The following MOGAT1 variants were observed in gnomAD, a reference collection of about 807,000 sequenced individuals.
The protein encoded by MOGAT1 is 2-acylglycerol O-acyltransferase 1.
In MOGAT1, 32 loss-of-function variants were observed where a neutral mutation model predicts 31.4. The ratio of observed to expected loss-of-function variants is 1.02; its 90% CI spans 0.77 to 1.37. The LOEUF is 1.37. MOGAT1 is among the 40% of genes most tolerant of loss of function. The pLI, the probability that MOGAT1 is intolerant of heterozygous loss-of-function variation, is 0.00. For missense variants in MOGAT1, 426 were observed against 402.0 expected, an observed-to-expected ratio of 1.06 and a Z score of -0.51; for synonymous variants, 145 against 144.5, an observed-to-expected ratio of 1.00 and a Z score of -0.03.
chr2:222,688,366 T>G lies in MOGAT1; in HGVS notation c.117T>G (p.Thr39=). Residue 39 remains threonine (T), a synonymous_variant, in exon 2 of 6, where the codon ACT becomes ACG. Coordinates refer to ENST00000446656, the MANE Select transcript of MOGAT1 (RefSeq NM_058165.3). ...CAGGGCCGATGTCCATTGGAATCAC[T>G]GTGATGCTGATCATACACAACTATT... ...LLLGPMSIGI[T]VMLIIHNYLF... 1 of 1,611,588 alleles carries G rather than the reference T, an allele frequency of 6.2e-7. No homozygotes were observed. The highest frequency in any genetic ancestry group is 1.7e-4 in the Middle Eastern group (1 of 6,054).
chr2:222,700,309 A>G (rs946758168), intron 5 of MOGAT1, among the ~76,000 whole-genome samples: 3 of 152,234 alleles, frequency 2.0e-5, no homozygotes, highest in African/African-American at 7.2e-5. Flanking sequence ...CTGACAAATA[A>G]TCATCAGTCA....
rs575399876 is a variant in MOGAT1, at chr2:222,671,845, C to G, written c.60C>G (p.Ala20=). 16 of 1,552,818 alleles carry G rather than the reference C, an allele frequency of 1.0e-5. No individual in the cohort carries two copies. Among genetic ancestry groups the G allele is most frequent in the African/African-American group, 2.7e-5 (2 of 73,244 alleles). Residue 20 remains alanine, a synonymous_variant, in exon 1 of 6, where the codon GCC becomes GCG. Coordinates refer to ENST00000446656, the MANE Select transcript of MOGAT1 (RefSeq NM_058165.3). ...IQLARRLQTV[A]VLQWVLKYLL... ...TGGCGCGGCGGCTGCAGACGGTGGC[C>G]GTGCTGCAGTGGGTCCTGAAATACC... is the stretch of plus-strand genomic sequence containing the variant.
At chr2:222,673,410 G>A (rs1692451542) in intron 1 of MOGAT1, among the ~76,000 whole-genome samples, 1 of 151,246 alleles carries the variant, frequency 6.6e-6, no homozygotes, top group South Asian at 2.1e-4. Flanking sequence ...GGTTGCTCTG[G>A]ATCAAAGCAC....
intron 1 of MOGAT1, among the ~76,000 whole-genome samples, chr2:222,675,470 A>ACTTTCT (rs1692481124): frequency 7.1e-6 from 1 of 140,988 alleles, no homozygotes; most frequent in Non-Finnish European, 1.5e-5. Context: ...CAAAATGGTA[A>ACTTTCT]TTTTCTTTTT....
chr2:222,698,003 A>G (rs1031214570), intron 5 of MOGAT1, among the ~76,000 whole-genome samples: 2 of 152,148 alleles, frequency 1.3e-5, no homozygotes, highest in African/African-American at 4.8e-5. Flanking sequence ...AGAAGGACCG[A>G]ATTATCAGAC....
rs192181305 is a variant in MOGAT1, at chr2:222,709,721, T to A, written c.854-15T>A. ...GTTTTAGTTCCTCACGTATGATGTA[T>A]TCCCTGATTTGCAGTTGGCCGCCCG... On this transcript the variant is annotated splice_polypyrimidine_tract_variant and intron_variant, in intron 5 of 5. Coordinates refer to ENST00000446656, the MANE Select transcript of MOGAT1 (RefSeq NM_058165.3). 2.1e-4 allele frequency: 336 copies of A among 1,611,626 alleles called. No homozygotes were observed. In the African/African-American group the frequency reaches 4.1e-3, roughly 20 times the overall value.
chr2:222,708,923 G>GT (rs1319831208), intron 5 of MOGAT1, among the ~76,000 whole-genome samples: 2 of 152,110 alleles, frequency 1.3e-5, no homozygotes, highest in Admixed American at 1.3e-4. Flanking sequence ...CTATTGAGAC[G>GT]TTAGCTGTTT....
chr2:222,701,546 GAAA>G (rs11435365), intron 5 of MOGAT1, among the ~76,000 whole-genome samples: 1 of 122,066 alleles, frequency 8.2e-6, no homozygotes, highest in South Asian at 2.8e-4. Flanking sequence ...AAAGAAAAAA[GAAA>G]AAAGAAAGAA....
intron 5 of MOGAT1, among the ~76,000 whole-genome samples, chr2:222,701,752 C>G (rs545970732): frequency 1.3e-5 from 2 of 152,152 alleles, no homozygotes; most frequent in East Asian, 3.9e-4. Flanking sequence ...TGGCTTGTGG[C>G]TGATGCTCCA....
Position 222,671,680 on chromosome 2 carries a change from A to G in MOGAT1, c.-106A>G, listed in dbSNP as rs1299628372. The G allele has an allele frequency of 1.1e-6, 1 of 936,166 alleles. No individual in the cohort carries two copies. Among genetic ancestry groups the G allele is most frequent in the African/African-American group, 1.7e-5 (1 of 60,328 alleles). The allele number at this position is 936,166 out of a possible 1,614,324, so 58.0% of individuals were successfully genotyped here. Reference sequence around the variant, plus strand: ...TCTGCCTTTTCCTCTCCGCCCAGCCAGTGCCCAGCGCGGGGCCCGGATCCG... The same window carrying G: ...TCTGCCTTTTCCTCTCCGCCCAGCCGGTGCCCAGCGCGGGGCCCGGATCCG... On this transcript the variant is annotated 5_prime_UTR_variant, in exon 1 of 6. Coordinates refer to ENST00000446656, the MANE Select transcript of MOGAT1 (RefSeq NM_058165.3).
At chr2:222,697,304 A>G (rs1005396559) in intron 5 of MOGAT1, among the ~76,000 whole-genome samples, 3 of 152,208 alleles carry the variant, frequency 2.0e-5, no homozygotes, top group African/African-American at 7.2e-5. Flanking sequence ...AGTGCTTTCC[A>G]TTTAATATGC....
intron 5 of MOGAT1, among the ~76,000 whole-genome samples, chr2:222,701,577 A>G (rs1284094544): frequency 9.1e-6 from 1 of 109,852 alleles, no homozygotes; most frequent in Non-Finnish European, 2.1e-5. Flanking sequence ...GAAAGAAAAG[A>G]AAGAAAAAGA....
Position 222,688,367 on chromosome 2 carries a change from G to C in MOGAT1, c.118G>C (p.Val40Leu). 1 of 1,611,494 alleles carries C rather than the reference G, an allele frequency of 6.2e-7. No homozygotes were observed. Among genetic ancestry groups the C allele is most frequent in the Non-Finnish European group, 8.5e-7 (1 of 1,178,876 alleles). The change falls in exon 2 of 6, where the codon GTG (valine) becomes CTG (leucine). Residue 40 changes from valine (V) to leucine (L), a missense_variant. By Grantham distance (32) the Val-to-Leu change is conservative (BLOSUM62 1). Coordinates refer to ENST00000446656, the MANE Select transcript of MOGAT1 (RefSeq NM_058165.3). ...LLGPMSIGIT[V>L]MLIIHNYLFL... is the part of the protein sequence containing the mutation. Reference sequence around the variant, plus strand: ...AGGGCCGATGTCCATTGGAATCACTGTGATGCTGATCATACACAACTATTT... The same window carrying C: ...AGGGCCGATGTCCATTGGAATCACTCTGATGCTGATCATACACAACTATTT...
chr2:222,688,003 C>T (rs1263704840), intron 1 of MOGAT1, among the ~76,000 whole-genome samples: 1 of 152,160 alleles, frequency 6.6e-6, no homozygotes, highest in African/African-American at 2.4e-5. Flanking sequence ...AGCTTCCATT[C>T]TCTCTTTTTT....
intron 5 of MOGAT1, among the ~76,000 whole-genome samples, chr2:222,708,489 TC>T (rs1228805812): frequency 1.3e-5 from 2 of 152,230 alleles, no homozygotes; most frequent in Non-Finnish European, 2.9e-5. Flanking sequence ...TTTCTAAAAA[TC>T]AGAGACAAGT....
intron 1 of MOGAT1, among the ~76,000 whole-genome samples, chr2:222,686,008 G>C (rs1692660356): frequency 6.6e-6 from 1 of 152,150 alleles, no homozygotes; most frequent in Non-Finnish European, 1.5e-5. Flanking sequence ...GTAGCTTGGG[G>C]ACATTATTTT....
chr2:222,709,825 A>G lies in MOGAT1; in HGVS notation c.943A>G (p.Lys315Glu). ...LHQTYMEELRKLFEEHKGKYG... is the reference protein window; with the variant it reads ...LHQTYMEELRELFEEHKGKYG... The stretch of plus-strand genomic sequence containing the variant: ...TCAGACCTATATGGAGGAACTTAGG[A>G]AATTGTTTGAGGAACACAAAGGAAA... Residue 315 changes from lysine to glutamate, a missense_variant, in exon 6 of 6, where the codon AAA (lysine) becomes GAA (glutamate). Transcript: ENST00000446656. The G allele has an allele frequency of 5.6e-6, 9 of 1,613,712 alleles. No homozygotes were observed. The highest frequency in any genetic ancestry group is 7.6e-6 in the Non-Finnish European group (9 of 1,179,742).
chr2:222,691,693 C>G (rs1360147668), intron 3 of MOGAT1, among the ~76,000 whole-genome samples: 1 of 152,240 alleles, frequency 6.6e-6, no homozygotes, highest in Non-Finnish European at 1.5e-5. Context: ...AAGGCTGCCC[C>G]TCTCCACTGT....
At chr2:222,680,783 T>A (rs1448247484) in intron 1 of MOGAT1, among the ~76,000 whole-genome samples, 1 of 152,074 alleles carries the variant, frequency 6.6e-6, no homozygotes, top group Admixed American at 6.6e-5. Context: ...AAAATGAAAA[T>A]TTTTTGGATG....
Sources: allele counts gnomAD v4.1 joint callset (sites outside exome capture counted in the v4.1 genomes callset), GRCh38; gene constraint gnomAD v4.1.1; transcripts MANE v1.5; gene names NCBI Gene and HGNC (gene_info 2026-07-23, HGNC 2026-07-21).